KDM5B: variants seen among roughly 807,000 people sequenced by gnomAD.
KDM5B encodes the protein lysine demethylase 5B.
A neutral mutation model predicts 193.4 loss-of-function variants in KDM5B; 144 were observed. The observed-to-expected ratio is 0.74, with a 90% CI of 0.65 to 0.86. The LOEUF (loss-of-function observed/expected upper bound fraction) is 0.86, where lower values mean the gene tolerates loss of function less well. Ranked by LOEUF, KDM5B falls within the 40% of genes least tolerant of loss-of-function variation. The probability of loss-of-function intolerance (pLI) is 0.00; values close to 1 mark genes in which losing one functional copy is unlikely to be tolerated. For synonymous variants in KDM5B, 668 were observed against 682.6 expected, an observed-to-expected ratio of 0.98 and a Z score of 0.33; for missense variants, 1,833 against 1,886.9, an observed-to-expected ratio of 0.97 and a Z score of 0.53.
At chr1:202,733,975 T>A in intron 22 of KDM5B, 89 bp from the exon 23 acceptor site, 1 of 1,440,012 alleles carries the variant, frequency 6.9e-7, no homozygotes. Context: ...GAGCATGGGA[T>A]CCTGAGTAGA....
chr1:202,741,532 C>A lies in KDM5B; in HGVS notation c.2780G>T (p.Cys927Phe). ...ARWLEEVQQACLDPSSLTLDD... is the reference protein window; with the variant it reads ...ARWLEEVQQAFLDPSSLTLDD... ...TAAAGTAAGGGAGCTGGGGTCTAGG[C>A]AAGCTTGCTGCACCTCTTCTAGCCA... Residue 927 changes from cysteine (C) to phenylalanine (F), a missense_variant, in exon 19 of 27, where the codon TGC becomes TTC. Cys to Phe is a radical substitution (Grantham distance 205). This residue lies in a region of KDM5B where 1,379 missense variants were observed against 1,349.6 expected (regional missense o/e 1.02). Transcript: ENST00000367265. 1 of 1,614,236 alleles carries A rather than the reference C, an allele frequency of 6.2e-7. No individual in the cohort carries two copies. The highest frequency in any genetic ancestry group is 1.1e-5 in the South Asian group (1 of 91,090).
intron 4 of KDM5B, among the ~76,000 whole-genome samples, chr1:202,768,914 T>A (rs1656588373): frequency 6.6e-6 from 1 of 151,612 alleles, no homozygotes; most frequent in Non-Finnish European, 1.5e-5. Flanking sequence ...ACGGGGTTTC[T>A]CCATGTTGAG....
chr1:202,740,069 C>T (rs1433441971), intron 20 of KDM5B, among the ~76,000 whole-genome samples: 4 of 151,924 alleles, frequency 2.6e-5, no homozygotes, highest in African/African-American at 9.7e-5. Context: ...AGGCGCCCCT[C>T]ACCTCCCGGA....
chr1:202,747,572 A>ATT (rs1655610495), intron 14 of KDM5B, among the ~76,000 whole-genome samples: 17 of 151,290 alleles, frequency 1.1e-4, no homozygotes, highest in South Asian at 4.2e-4. Flanking sequence ...ATATTTTTAA[A>ATT]AAAAAAAAAA....
chr1:202,740,109 C>A lies in KDM5B; in HGVS notation c.3084+565G>T, dbSNP rs553479179. Among the ~76,000 whole-genome samples the A allele has an allele frequency of 1.9e-3, 281 of 144,924 alleles. 1 individual carries two copies. The highest frequency in any genetic ancestry group is 6.8e-3 in the African/African-American group (266 of 39,112). ...GCGGCTGGCCGGGCATGGGGCTGAC[C>A]CCCCCCACCTCCCTCCCGGACGGGG... On this transcript the variant is annotated intron_variant, in intron 20 of 26. Transcript: ENST00000367265.
chr1:202,808,375 G>C lies in KDM5B; in HGVS notation c.-70C>G. The C allele has an allele frequency of 2.9e-6, 4 of 1,400,424 alleles. No individual in the cohort carries two copies. Among genetic ancestry groups the C allele is most frequent in the East Asian group, 5.0e-5 (2 of 40,342 alleles). 86.7% of individuals were successfully genotyped at this position (1,400,424 alleles called of 1,614,324 possible). ...CGAGGCTGCGAGCTCCGCTCGGTCC[G>C]AGACCCGTGCAGACGCGGCTCGAGC... On this transcript the variant is annotated 5_prime_UTR_variant, in exon 1 of 27. Transcript: ENST00000367265.
chr1:202,733,552 C>A lies in KDM5B; in HGVS notation c.3758G>T (p.Arg1253Leu). Residue 1253 changes from arginine to leucine, a missense_variant, in exon 23 of 27, where the codon CGA becomes CTA. Transcript: ENST00000367265. ...GTTCACGGTTCTTTCAATCATATATCGAAGTGCATCTCCCTCAGGAAGGCG... is the reference window on the plus strand; with the variant it reads ...GTTCACGGTTCTTTCAATCATATATAGAAGTGCATCTCCCTCAGGAAGGCG... ...RVRLPEGDAL[R>L]YMIERTVNWQ... 6.2e-7 allele frequency: 1 copy of A among 1,614,124 alleles called. No homozygotes were observed. Among genetic ancestry groups the A allele is most frequent in the Non-Finnish European group, 8.5e-7 (1 of 1,180,020 alleles).
chr1:202,752,080 T>G (rs1395532569), intron 12 of KDM5B, among the ~76,000 whole-genome samples: 1 of 152,184 alleles, frequency 6.6e-6, no homozygotes, highest in Non-Finnish European at 1.5e-5. Context: ...CAAGTTCACT[T>G]TAACACTGTA....
intron 11 of KDM5B, 88 bp from the exon 12 acceptor site, chr1:202,753,155 G>T: frequency 9.0e-7 from 1 of 1,106,016 alleles, no homozygotes; most frequent in Non-Finnish European, 1.3e-6. Flanking sequence ...ACTCGGCTTT[G>T]TAAGACTACG....
chr1:202,772,314 C>A (rs529479299), intron 4 of KDM5B, among the ~76,000 whole-genome samples: 31 of 152,240 alleles, frequency 2.0e-4, no homozygotes, highest in Admixed American at 3.3e-4. Flanking sequence ...TGAATAATTT[C>A]ACAAATACCA....
At position 202,756,371 on chromosome 1, in the gene KDM5B, G is replaced by A. The variant is rs376070910; in HGVS notation, c.1343C>T (p.Ser448Leu). ...TTATATGCCTACCTCTTCCTCAGGT[G>A]AGAGTTTGATTTTCCCATCTCGGAC... ...FPVRDGKIKLSPEEEEYLDSG... is the reference protein window; with the variant it reads ...FPVRDGKIKLLPEEEEYLDSG... The change falls in exon 10 of 27, where the codon TCA becomes TTA. Residue 448 changes from serine (S) to leucine (L), a missense_variant. Transcript: ENST00000367265. The A allele has an allele frequency of 6.2e-7, 1 of 1,610,178 alleles. No individual in the cohort carries two copies. Among genetic ancestry groups the A allele is most frequent in the South Asian group, 1.1e-5 (1 of 90,320 alleles).
At chr1:202,802,731 C>G (rs1018908018) in intron 1 of KDM5B, among the ~76,000 whole-genome samples, 18 of 152,086 alleles carry the variant, frequency 1.2e-4, no homozygotes, top group Non-Finnish European at 1.9e-4. Flanking sequence ...CCCCCACTGG[C>G]AGATTTCTAC....
At chr1:202,729,524 A>G in intron 26 of KDM5B, 183 bp downstream of exon 26, 1 of 615,450 alleles carries the variant, frequency 1.6e-6, no homozygotes, top group Non-Finnish European at 2.8e-6. Flanking sequence ...TTCTTCAAGA[A>G]AAGGGAGGAG....
Position 202,777,018 on chromosome 1 carries a change from T to A in KDM5B, c.281A>T (p.Glu94Val). The A allele has an allele frequency of 6.2e-7, 1 of 1,602,118 alleles. No individual in the cohort carries two copies. ...TPRIQRLNELEAQTRVKLNFL... is the reference protein window; with the variant it reads ...TPRIQRLNELVAQTRVKLNFL... ...ACAGAACAATAGTGAAGACATTACC[T>A]CCAATTCATTCAGTCTCTGGATACG... Residue 94 changes from glutamate to valine, a missense_variant and splice_region_variant, in exon 2 of 27, where the codon GAG (glutamate) becomes GTG (valine). Around this residue, in one of 3 missense-constraint regions of KDM5B, gnomAD observed 355 missense variants for 374.9 expected, o/e 0.95. Transcript: ENST00000367265.
At chr1:202,751,512 A>T (rs965754336) in intron 12 of KDM5B, among the ~76,000 whole-genome samples, 1 of 152,108 alleles carries the variant, frequency 6.6e-6, no homozygotes, top group Non-Finnish European at 1.5e-5. Context: ...ACTACTACCC[A>T]TCACAGGAAC....
intron 11 of KDM5B, 106 bp downstream of exon 11, chr1:202,755,165 G>A: frequency 1.3e-6 from 1 of 776,308 alleles, no homozygotes; most frequent in South Asian, 2.0e-5. Flanking sequence ...AGGGAAAAAA[G>A]TAGTTCAATG....
At chr1:202,776,973 T>TCC (rs1558508000) in intron 2 of KDM5B, 44 bp downstream of exon 2, 1 of 1,183,874 alleles carries the variant, frequency 8.4e-7, no homozygotes. Context: ...TCAAAGACGG[T>TCC]CCCCCTGGAA....
intron 1 of KDM5B, among the ~76,000 whole-genome samples, chr1:202,790,521 AC>A (rs1657605373): frequency 6.6e-6 from 1 of 151,974 alleles, no homozygotes; most frequent in Non-Finnish European, 1.5e-5. Context: ...GGAGTTCGAG[AC>A]CAGCGTGGTC....
chr1:202,768,599 T>G (rs1656571518), intron 4 of KDM5B, among the ~76,000 whole-genome samples: 1 of 152,142 alleles, frequency 6.6e-6, no homozygotes, highest in Non-Finnish European at 1.5e-5. Context: ...AAAAACTGAC[T>G]CATTACTTGT....
Sources: gnomAD v4.1 joint callset for allele counts (sites outside exome capture counted in the v4.1 genomes callset) on GRCh38, gnomAD v4.1.1 for gene constraint, gnomAD v4.1.1 regional missense constraint, MANE v1.5 for transcripts, NCBI Gene and HGNC (gene_info 2026-07-23, HGNC 2026-07-21) for gene names.